Variants in SLC20A2 observed in about 807,000 individuals in gnomAD.
SLC20A2 encodes sodium-dependent phosphate transporter 2.
A neutral mutation model predicts 61.0 loss-of-function variants in SLC20A2; 30 were observed. The ratio of observed to expected loss-of-function variants is 0.49; its 90% CI spans 0.37 to 0.67. The LOEUF is 0.67. SLC20A2 is among the 30% of genes least tolerant of loss of function. The pLI is 0.00. For missense variants in SLC20A2, 626 were observed against 866.4 expected (o/e 0.72, Z 3.48); for synonymous variants, 351 against 353.3 (o/e 0.99, Z 0.07).
At position 42,417,677 on chromosome 8, in the gene SLC20A2, G is replaced by A; in HGVS notation, c.*126C>T. ...GTGGGATGGAGCCTCCTGGAAGGGA[G>A]GCAGAGAGCTGGTCATGAGAGAGCC... On this transcript the variant is annotated 3_prime_UTR_variant, in exon 11 of 11. Coordinates refer to ENST00000520262, the MANE Select transcript of SLC20A2 (RefSeq NM_001257180.2). 1 of 1,024,534 alleles carries A rather than the reference G, an allele frequency of 9.8e-7. No homozygotes were observed. Among genetic ancestry groups the A allele is most frequent in the East Asian group, 2.5e-5 (1 of 39,906 alleles). The allele number at this position is 1,024,534 out of a possible 1,614,324, so 63.5% of individuals were successfully genotyped here.
chr8:42,529,201 T>C (rs114058344), intron 1 of SLC20A2, among the ~76,000 whole-genome samples: 2,510 of 152,204 alleles, frequency 0.016, 63 homozygotes, highest in African/African-American at 0.057. Context: ...ACTCCAAGGC[T>C]CAAGTGATCC....
intron 2 of SLC20A2, chr8:42,471,236 C>T (rs1271865006): frequency 4.4e-6 from 2 of 456,220 alleles, no homozygotes; most frequent in South Asian, 3.1e-5. Flanking sequence ...CTGTCAGCTG[C>T]ACTTAACACA....
chr8:42,424,061 C>T (rs1431755750), intron 10 of SLC20A2, among the ~76,000 whole-genome samples: 1 of 152,088 alleles, frequency 6.6e-6, no homozygotes. Context: ...GTGGGTGATC[C>T]ACAAACAGGA....
At chr8:42,531,560 A>C (rs1812321625) in intron 1 of SLC20A2, among the ~76,000 whole-genome samples, 1 of 152,206 alleles carries the variant, frequency 6.6e-6, no homozygotes, top group African/African-American at 2.4e-5. Context: ...ATAAAGGAAA[A>C]ATATGAGACA....
chr8:42,451,552 T>G (rs1233765665), intron 5 of SLC20A2, among the ~76,000 whole-genome samples: 2 of 91,526 alleles, frequency 2.2e-5, no homozygotes, highest in African/African-American at 4.5e-5. Flanking sequence ...GAGGAAAAGA[T>G]GGAGGAGGAA....
At chr8:42,536,420 ACTT>A (rs1475988181) in intron 1 of SLC20A2, 3 of 152,466 alleles carry the variant, frequency 2.0e-5, no homozygotes, top group African/African-American at 7.2e-5. Flanking sequence ...ATTCAAGGGC[ACTT>A]CCTCCTAATT....
intron 6 of SLC20A2, among the ~76,000 whole-genome samples, chr8:42,442,986 G>A (rs1804891916): frequency 6.6e-6 from 1 of 151,980 alleles, no homozygotes; most frequent in African/African-American, 2.4e-5. Flanking sequence ...ATTCAAATAT[G>A]GGGAATTGGG....
intron 1 of SLC20A2, among the ~76,000 whole-genome samples, chr8:42,507,902 GTAA>G (rs1810803009): frequency 6.6e-6 from 1 of 152,236 alleles, no homozygotes; most frequent in Non-Finnish European, 1.5e-5. Context: ...GCTCATGCCT[GTAA>G]TCCCAGCACT....
At chr8:42,492,407 C>T (rs1171499688) in intron 1 of SLC20A2, among the ~76,000 whole-genome samples, 1 of 152,130 alleles carries the variant, frequency 6.6e-6, no homozygotes, top group African/African-American at 2.4e-5. Context: ...GTCTTCACTT[C>T]CTAAGGAAGT....
At chr8:42,494,144 CTAATAA>C (rs755260352) in intron 1 of SLC20A2, among the ~76,000 whole-genome samples, 24 of 152,014 alleles carry the variant, frequency 1.6e-4, no homozygotes, top group African/African-American at 5.3e-4. Flanking sequence ...TGTCTCAAAA[CTAATAA>C]TAATATGTGC....
At chr8:42,529,433 A>T (rs928159375) in intron 1 of SLC20A2, among the ~76,000 whole-genome samples, 5 of 152,232 alleles carry the variant, frequency 3.3e-5, no homozygotes, top group Non-Finnish European at 7.3e-5. Context: ...ATGTTTTATC[A>T]CATCATTTTA....
chr8:42,462,791 A>G (rs1163264341), intron 4 of SLC20A2, among the ~76,000 whole-genome samples: 1 of 152,128 alleles, frequency 6.6e-6, no homozygotes, highest in Non-Finnish European at 1.5e-5. Flanking sequence ...GCCAAGAAAC[A>G]CTATTTGCAG....
chr8:42,527,171 G>A (rs939031554), intron 1 of SLC20A2, among the ~76,000 whole-genome samples: 1 of 150,424 alleles, frequency 6.6e-6, no homozygotes, highest in African/African-American at 2.4e-5. Context: ...TTTGGGAGGC[G>A]GAGGCGGGCA....
Position 42,465,865 on chromosome 8 carries a change from T to C in SLC20A2, c.342A>G (p.Gly114=). 2 of 1,613,836 alleles carry C rather than the reference T, an allele frequency of 1.2e-6. No individual in the cohort carries two copies. The highest frequency in any genetic ancestry group is 1.3e-5 in the African/African-American group (1 of 75,002). The part of the protein sequence containing the change: ...IASFLRLPIS[G]THCIVGSTIG... ...TAGTAGAACCCACAATGCAGTGCGTTCCTGAGATTGGAAGCCTCAGGAAGG... is the reference window on the plus strand; with the variant it reads ...TAGTAGAACCCACAATGCAGTGCGTCCCTGAGATTGGAAGCCTCAGGAAGG... The change falls in exon 3 of 11, where the codon GGA becomes GGG. Residue 114 remains glycine (G), a synonymous_variant. Coordinates refer to ENST00000520262, the MANE Select transcript of SLC20A2 (RefSeq NM_001257180.2).
chr8:42,451,569 GAGATGA>G (rs1221962588), intron 5 of SLC20A2, among the ~76,000 whole-genome samples: 2 of 138,538 alleles, frequency 1.4e-5, no homozygotes, highest in Admixed American at 7.3e-5. Context: ...GGAAGAGGAA[GAGATGA>G]AGAGGAAGAG....
At chr8:42,483,561 G>GCTCAGGT (rs1164165078) in intron 1 of SLC20A2, among the ~76,000 whole-genome samples, 3 of 152,190 alleles carry the variant, frequency 2.0e-5, no homozygotes, top group Non-Finnish European at 4.4e-5. Context: ...GACGAGAATA[G>GCTCAGGT]CCAAGCTTTA....
At chr8:42,485,762 A>G (rs556889746) in intron 1 of SLC20A2, among the ~76,000 whole-genome samples, 5 of 151,832 alleles carry the variant, frequency 3.3e-5, no homozygotes, top group South Asian at 4.2e-4. Flanking sequence ...CCTGCCCAAC[A>G]TGGTAAAACC....
At chr8:42,536,158 C>T (rs191972807) in intron 1 of SLC20A2, among the ~76,000 whole-genome samples, 1 of 152,276 alleles carries the variant, frequency 6.6e-6, no homozygotes, top group East Asian at 1.9e-4. Context: ...AAACAGAACA[C>T]AAGGTATAGG....
At chr8:42,523,942 G>A (rs1163872038) in intron 1 of SLC20A2, among the ~76,000 whole-genome samples, 3 of 152,112 alleles carry the variant, frequency 2.0e-5, no homozygotes, top group Non-Finnish European at 4.4e-5. Context: ...AGTTAATTAA[G>A]GTAAAAAAGC....
Sources: allele counts gnomAD v4.1 joint callset (sites outside exome capture counted in the v4.1 genomes callset), GRCh38; gene constraint gnomAD v4.1.1; transcripts MANE v1.5; gene names NCBI Gene and HGNC (gene_info 2026-07-23, HGNC 2026-07-21).